Variants in ERG observed in about 807,000 individuals in gnomAD.
ERG encodes transcriptional regulator ERG.
Under a neutral mutation model 55.3 loss-of-function variants are expected in ERG, and 9 were observed. The observed-to-expected ratio is 0.16, with a 90% CI of 0.10 to 0.28. ERG has a LOEUF of 0.28. Among genes scored for constraint, ERG ranks in the 10% least tolerant of loss-of-function variants. The pLI, the probability that ERG is intolerant of heterozygous loss-of-function variation, is 1.00. For synonymous variants in ERG, 223 were observed against 237.3 expected, an observed-to-expected ratio of 0.94 and a Z score of 0.55; for missense variants, 434 against 631.6, an observed-to-expected ratio of 0.69 and a Z score of 3.35.
At chr21:38,515,825 T>C (rs116173244) in intron 2 of ERG, among the ~76,000 whole-genome samples, 12,262 of 151,896 alleles carry the variant, frequency 0.081, 706 homozygotes, top group Middle Eastern at 0.17. Flanking sequence ...CAAGGATGGT[T>C]CAACATACAC....
chr21:38,435,777 T>A (rs1990415687), intron 2 of ERG, among the ~76,000 whole-genome samples: 2 of 152,186 alleles, frequency 1.3e-5, no homozygotes, highest in African/African-American at 4.8e-5. Flanking sequence ...TGGAGGGAAA[T>A]GCACCATTTT....
intron 2 of ERG, among the ~76,000 whole-genome samples, chr21:38,509,922 T>C (rs1343803263): frequency 6.6e-6 from 1 of 152,178 alleles, no homozygotes; most frequent in East Asian, 1.9e-4. Flanking sequence ...TCTCTAAGGC[T>C]TCCAGGACGC....
intron 1 of ERG, among the ~76,000 whole-genome samples, chr21:38,658,768 C>A (rs561773050): frequency 6.6e-6 from 1 of 152,198 alleles, no homozygotes; most frequent in African/African-American, 2.4e-5. Context: ...TAGGTCTTAC[C>A]ACAAATAAAA....
chr21:38,573,774 C>T (rs1467643510), intron 2 of ERG, among the ~76,000 whole-genome samples: 1 of 152,180 alleles, frequency 6.6e-6, no homozygotes, highest in Non-Finnish European at 1.5e-5. Context: ...TCCCCTGAGC[C>T]CACTGTTGTT....
At chr21:38,464,987 T>A (rs2059075974) in intron 1 of ERG, among the ~76,000 whole-genome samples, 1 of 152,128 alleles carries the variant, frequency 6.6e-6, no homozygotes, top group Non-Finnish European at 1.5e-5. Flanking sequence ...GAGTTGGTTC[T>A]GGGTTCATGT....
At chr21:38,618,838 T>C (rs1178393577) in intron 1 of ERG, among the ~76,000 whole-genome samples, 1 of 152,194 alleles carries the variant, frequency 6.6e-6, no homozygotes, top group Non-Finnish European at 1.5e-5. Context: ...TGTGCCTCTG[T>C]TTCATCAACT....
intron 1 of ERG, among the ~76,000 whole-genome samples, chr21:38,613,478 A>T (rs1394927913): frequency 6.6e-6 from 1 of 152,204 alleles, no homozygotes; most frequent in Non-Finnish European, 1.5e-5. Flanking sequence ...CTTTGTTTGC[A>T]GTAGGTTGTT....
In ERG at chr21:38,505,162, T is replaced by A. The variant is rs976949781; in HGVS notation, c.-41+70500A>T. Among the ~76,000 whole-genome samples, 11 of 152,208 alleles carry A rather than the reference T, an allele frequency of 7.2e-5. No individual in the cohort carries two copies. The East Asian group carries it at 1.9e-3, about 27-fold the overall frequency. On this transcript the variant is annotated intron_variant, in intron 2 of 8. Transcript: ENST00000398897. ...TCAGAAATGAAGCGAAGGCAAAAAA[T>A]CTTTGCCACAAATTCATTTATATTT... is the stretch of plus-strand genomic sequence containing the variant.
intron 3 of ERG, among the ~76,000 whole-genome samples, chr21:38,410,060 T>C (rs1180031642): frequency 6.6e-6 from 1 of 152,128 alleles, no homozygotes; most frequent in Non-Finnish European, 1.5e-5. Flanking sequence ...GTTAGGGGAA[T>C]AGAAAAGTAA....
At chr21:38,384,479 T>C (rs1424568506) in intron 9 of ERG, among the ~76,000 whole-genome samples, 1 of 152,188 alleles carries the variant, frequency 6.6e-6, no homozygotes, top group Non-Finnish European at 1.5e-5. Context: ...AGCGAATTCA[T>C]ATGGGGCAAA....
At chr21:38,461,621 C>T (rs992276756) in intron 1 of ERG, among the ~76,000 whole-genome samples, 2 of 152,180 alleles carry the variant, frequency 1.3e-5, no homozygotes, top group Non-Finnish European at 2.9e-5. Context: ...CCCCTGGGGT[C>T]CCCAGACCCC....
At chr21:38,596,952 TC>T (rs1479213515) in intron 1 of ERG, among the ~76,000 whole-genome samples, 1 of 152,138 alleles carries the variant, frequency 6.6e-6, no homozygotes, top group Non-Finnish European at 1.5e-5. Context: ...AAAGGCAGTC[TC>T]CCCAAAAAGC....
At chr21:38,632,293 A>G (rs747614646) in intron 1 of ERG, among the ~76,000 whole-genome samples, 2 of 152,234 alleles carry the variant, frequency 1.3e-5, no homozygotes, top group Non-Finnish European at 2.9e-5. Flanking sequence ...AATCATCAGA[A>G]AAATGCAGAT....
At chr21:38,638,487 G>T (rs1483948865) in intron 1 of ERG, among the ~76,000 whole-genome samples, 1 of 152,214 alleles carries the variant, frequency 6.6e-6, no homozygotes, top group East Asian at 1.9e-4. Context: ...GATTGAACTT[G>T]TGGGCTTACC....
At chr21:38,633,085 T>C (rs1038638686) in intron 1 of ERG, among the ~76,000 whole-genome samples, 3 of 152,212 alleles carry the variant, frequency 2.0e-5, no homozygotes, top group East Asian at 3.8e-4. Context: ...ACAACATGAA[T>C]GAACCTTGAG....
chr21:38,600,498 C>T (rs1016221238), intron 1 of ERG, among the ~76,000 whole-genome samples: 2 of 152,154 alleles, frequency 1.3e-5, no homozygotes, highest in African/African-American at 4.8e-5. Context: ...AATGAAGGGG[C>T]CCAGAGGGGA....
intron 1 of ERG, among the ~76,000 whole-genome samples, chr21:38,650,940 G>A (rs941813519): frequency 2.0e-5 from 3 of 152,160 alleles, no homozygotes; most frequent in Admixed American, 1.3e-4. Context: ...TAAGAATGCC[G>A]TTCTTCAAAA....
chr21:38,574,187 C>T (rs1045226271), intron 2 of ERG, among the ~76,000 whole-genome samples: 13 of 152,208 alleles, frequency 8.5e-5, no homozygotes, highest in African/African-American at 3.1e-4. Flanking sequence ...CATCATGCAG[C>T]TTCATGGTCA....
chr21:38,460,397 A>T lies in ERG; in HGVS notation c.19-14776T>A, dbSNP rs573278724. ...GTTGCACTAATATTTTCCATCTCAT[A>T]AGGGTTCTGCAAAGAAAATTCTTTC... On this transcript the variant is annotated intron_variant, in intron 1 of 9. Coordinates refer to ENST00000288319, the MANE Select transcript of ERG (RefSeq NM_182918.4). The surrounding 1 kb of genome is among the most constrained non-coding windows in gnomAD (Gnocchi z 5.0). 6.6e-6 allele frequency among the ~76,000 whole-genome samples: 1 copy of T among 152,332 alleles called. No individual in the cohort carries two copies. The highest frequency in any genetic ancestry group is 1.5e-5 in the Non-Finnish European group (1 of 68,026).
Sources: allele counts gnomAD v4.1 joint callset (sites outside exome capture counted in the v4.1 genomes callset), GRCh38; gene constraint gnomAD v4.1.1; non-coding constraint Gnocchi (gnomAD v3.1); transcripts MANE v1.5; gene names NCBI Gene and HGNC (gene_info 2026-07-23, HGNC 2026-07-21).